Variants in TXNDC12 observed in about 807,000 individuals in gnomAD.
TXNDC12 encodes the protein thioredoxin domain-containing protein 12.
A neutral mutation model predicts 24.2 loss-of-function variants in TXNDC12; 22 were observed. The observed-to-expected ratio is 0.91, with a 90% CI of 0.65 to 1.30. TXNDC12 has a LOEUF of 1.30. Among genes scored for constraint, TXNDC12 ranks in the 50% most tolerant of loss-of-function variants. The pLI is 0.00. For missense variants in TXNDC12, 184 were observed against 205.8 expected (o/e 0.89, Z 0.65); for synonymous variants, 58 against 73.4 (o/e 0.79, Z 1.07).
intron 1 of TXNDC12, among the ~76,000 whole-genome samples, chr1:52,052,895 A>G (rs1241816189): frequency 6.6e-5 from 10 of 152,148 alleles, no homozygotes; most frequent in Non-Finnish European, 1.5e-4. Flanking sequence ...GGAGGCTTTG[A>G]GAGTTAAGAA....
chr1:52,030,922 CTTAT>C (rs1685741972), intron 2 of TXNDC12, among the ~76,000 whole-genome samples: 2 of 152,162 alleles, frequency 1.3e-5, no homozygotes, highest in Non-Finnish European at 2.9e-5. Flanking sequence ...TACATTCATG[CTTAT>C]TTGTTTACTT....
intron 2 of TXNDC12, among the ~76,000 whole-genome samples, chr1:52,036,121 G>A (rs960742284): frequency 2.0e-5 from 3 of 152,092 alleles, no homozygotes; most frequent in Non-Finnish European, 4.4e-5. Flanking sequence ...AGGATGAGGG[G>A]CACTGACCCC....
In TXNDC12 at chr1:52,041,547, C is replaced by G; in HGVS notation, c.148G>C (p.Ala50Pro). The G allele has an allele frequency of 4.3e-6, 7 of 1,612,078 alleles. No individual in the cohort carries two copies. The highest frequency in any genetic ancestry group is 5.9e-6 in the Non-Finnish European group (7 of 1,178,588). ...WRTLEDGKKE[A>P]AASGLPLMVI... ...AACCATGTCTTGTACCTGGCAGCTG[C>G]TTCTTTCTTCCCATCTTCCAGTGTC... Residue 50 changes from alanine (A) to proline (P), a missense_variant, in exon 2 of 7, where the codon GCA becomes CCA. By Grantham distance (27) the Ala-to-Pro change is conservative. Coordinates refer to ENST00000371626, the MANE Select transcript of TXNDC12 (RefSeq NM_015913.4).
rs1288714024 is a variant in TXNDC12 at position 52,020,625 on chromosome 1, G to A, written c.*308C>T. ...TGGGAAAAGACTCAAATACTTAAGT[G>A]CGAGGAGTAAACATCCAAGTGGCTC... On this transcript the variant is annotated 3_prime_UTR_variant, in exon 7 of 7. Coordinates refer to ENST00000371626, the MANE Select transcript of TXNDC12 (RefSeq NM_015913.4). 2 of 358,178 alleles carry A rather than the reference G, an allele frequency of 5.6e-6. No homozygotes were observed. The allele number at this position is 358,178 out of a possible 1,614,324, so 22.2% of individuals were successfully genotyped here.
intron 4 of TXNDC12, among the ~76,000 whole-genome samples, chr1:52,024,953 C>T (rs376056482): frequency 6.6e-6 from 1 of 152,236 alleles, no homozygotes; most frequent in South Asian, 2.1e-4. Context: ...TTTAAAACCA[C>T]AGTCATCCCT....
chr1:52,049,349 T>C (rs929746633), intron 1 of TXNDC12, among the ~76,000 whole-genome samples: 3 of 152,182 alleles, frequency 2.0e-5, no homozygotes, highest in African/African-American at 4.8e-5. Flanking sequence ...CTCAAGCCTT[T>C]GGGAGGCTGA....
chr1:52,021,411 T>G (rs1685594804), intron 6 of TXNDC12, among the ~76,000 whole-genome samples: 2 of 151,066 alleles, frequency 1.3e-5, no homozygotes, highest in African/African-American at 4.8e-5. Flanking sequence ...CCCCATTGTA[T>G]CTTTTGGATG....
intron 4 of TXNDC12, among the ~76,000 whole-genome samples, chr1:52,025,621 G>A (rs1017402025): frequency 2.0e-5 from 3 of 152,176 alleles, no homozygotes; most frequent in African/African-American, 7.2e-5. Context: ...ACAGAAAGTG[G>A]TGAGGAATTC....
At chr1:52,043,630 CA>C (rs1262048760) in intron 1 of TXNDC12, among the ~76,000 whole-genome samples, 1 of 152,054 alleles carries the variant, frequency 6.6e-6, no homozygotes, top group African/African-American at 2.4e-5. Flanking sequence ...GAAATATATG[CA>C]AAAAACTTAG....
chr1:52,051,218 T>G (rs541550979), intron 1 of TXNDC12, among the ~76,000 whole-genome samples: 32 of 152,268 alleles, frequency 2.1e-4, no homozygotes, highest in South Asian at 2.1e-4. Context: ...TTTTAGTCCA[T>G]GGAGAACAAT....
chr1:52,033,900 AGTTCTAC>A lies in TXNDC12; in HGVS notation c.159-5277_159-5271del, dbSNP rs1685833680. 2.1e-6 allele frequency: 3 copies of A among 1,432,982 alleles called. No homozygotes were observed. The African/African-American group carries it at 4.3e-5, about 21-fold the overall frequency. The allele number at this position is 1,432,982 out of a possible 1,614,324, so 88.8% of individuals were successfully genotyped here. ...ACCCTCTTGTTTCTATGGAAACAGG[AGTTCTAC>A]GCCAGCTAGGCCCAGGTTCAGCTTT... On this transcript the variant is annotated intron_variant, in intron 2 of 6. Coordinates refer to ENST00000371626, the MANE Select transcript of TXNDC12 (RefSeq NM_015913.4).
chr1:52,055,329 TCTCGAG>T, upstream of TXNDC12: 1 of 481,050 alleles, frequency 2.1e-6, no homozygotes, highest in Non-Finnish European at 3.8e-6. Context: ...CGAGAGCTGT[TCTCGAG>T]CGCGAGTTGC....
intron 6 of TXNDC12, 116 bp from the exon 7 acceptor site, chr1:52,021,128 C>A: frequency 1.3e-6 from 1 of 744,266 alleles, no homozygotes. Flanking sequence ...AAGATCTGGA[C>A]TCAAGATCTA....
At chr1:52,037,224 T>TC (rs1685899021) in intron 2 of TXNDC12, among the ~76,000 whole-genome samples, 1 of 151,180 alleles carries the variant, frequency 6.6e-6, no homozygotes, top group Admixed American at 6.6e-5. Context: ...TTTTTTTTTT[T>TC]TTTTTGAGAC....
chr1:52,042,137 A>T (rs995111972), intron 1 of TXNDC12, among the ~76,000 whole-genome samples: 4 of 152,222 alleles, frequency 2.6e-5, no homozygotes, highest in African/African-American at 9.6e-5. Context: ...TAGTATAAGG[A>T]TTAAATGAAG....
At chr1:52,037,681 G>A (rs1217631612) in intron 2 of TXNDC12, among the ~76,000 whole-genome samples, 1 of 152,178 alleles carries the variant, frequency 6.6e-6, no homozygotes, top group Non-Finnish European at 1.5e-5. Context: ...GGTTCTTGTT[G>A]TCTAAGCCTT....
intron 2 of TXNDC12, chr1:52,032,431 C>G: frequency 8.2e-7 from 1 of 1,218,994 alleles, no homozygotes; most frequent in East Asian, 3.6e-5. Context: ...AGGATCCAAT[C>G]TAGGTAATCC....
intron 2 of TXNDC12, chr1:52,034,161 G>T: frequency 2.4e-6 from 2 of 829,488 alleles, no homozygotes; most frequent in Non-Finnish European, 3.2e-6. Flanking sequence ...CTGGCTCTCA[G>T]TAAATGTTTA....
In TXNDC12 at chr1:52,028,474, A is replaced by T. The variant is rs1024058281; in HGVS notation, c.211+104T>A. The stretch of plus-strand genomic sequence containing the variant: ...GTCATATGTTTCTTTAGTATTCCTT[A>T]AACAGTCAGTAGTGCTGGGCCAGAG... On this transcript the variant is annotated intron_variant, in intron 3 of 6. Transcript: ENST00000371626. 4 of 863,910 alleles carry T rather than the reference A, an allele frequency of 4.6e-6. No individual in the cohort carries two copies. The African/African-American group carries it at 6.9e-5, about 15-fold the overall frequency. 53.5% of individuals were successfully genotyped at this position (863,910 alleles called of 1,614,324 possible).
Sources: allele counts gnomAD v4.1 joint callset (sites outside exome capture counted in the v4.1 genomes callset), GRCh38; gene constraint gnomAD v4.1.1; transcripts MANE v1.5; gene names NCBI Gene and HGNC (gene_info 2026-07-23, HGNC 2026-07-21).